The following ACTL8 variants were observed in gnomAD, a reference collection of about 807,000 sequenced individuals.
The protein encoded by ACTL8 is actin like 8, also known as actin-like protein 8.
A neutral mutation model predicts 9.3 loss-of-function variants in ACTL8; 3 were observed. The ratio of observed to expected loss-of-function variants is 0.32; its 90% CI spans 0.15 to 0.83. ACTL8 has a LOEUF of 0.83. ACTL8 is among the 40% of genes least tolerant of loss of function. The probability of loss-of-function intolerance (pLI) is 0.57; values close to 1 mark genes in which losing one functional copy is unlikely to be tolerated. For missense variants in ACTL8, 381 were observed against 492.2 expected (o/e 0.77, Z 2.14); for synonymous variants, 224 against 205.9 (o/e 1.09, Z -0.75).
chr1:17,789,542 A>G (rs2066222991), intron 1 of ACTL8, among the ~76,000 whole-genome samples: 1 of 152,132 alleles, frequency 6.6e-6, no homozygotes, highest in Admixed American at 6.5e-5. Flanking sequence ...TGTCCCCAGC[A>G]CTTAGCACAG....
chr1:17,802,275 C>T (rs2066327169), intron 1 of ACTL8, among the ~76,000 whole-genome samples: 1 of 152,112 alleles, frequency 6.6e-6, no homozygotes, highest in Admixed American at 6.5e-5. Flanking sequence ...TGTGTGGATT[C>T]AGGTTGCTGT....
chr1:17,822,256 C>T (rs202231086), intron 1 of ACTL8, among the ~76,000 whole-genome samples: 3 of 151,808 alleles, frequency 2.0e-5, no homozygotes, highest in African/African-American at 4.9e-5. Context: ...AATCTTACCC[C>T]CTGTGCCTCA....
At chr1:17,816,678 G>A (rs2066428295) in intron 1 of ACTL8, among the ~76,000 whole-genome samples, 1 of 152,150 alleles carries the variant, frequency 6.6e-6, no homozygotes, top group African/African-American at 2.4e-5. Context: ...ATTCCGCTGT[G>A]AGTTCAGTAC....
rs555626632 is a variant in ACTL8, at chr1:17,822,806, G to A, written c.-24-179G>A. 1.1e-3 allele frequency among the ~76,000 whole-genome samples: 167 copies of A among 152,286 alleles called. 1 individual carries two copies. The highest frequency in any genetic ancestry group is 1.9e-3 in the Non-Finnish European group (131 of 68,030). ...CCCATTAAGGGAGCCTGGTAGGATG[G>A]TTGGGAATTTGGGATGGGGGGAGTG... On this transcript the variant is annotated intron_variant, in intron 1 of 2. Transcript: ENST00000375406.
intron 1 of ACTL8, among the ~76,000 whole-genome samples, chr1:17,818,698 C>G (rs940577364): frequency 1.3e-5 from 2 of 152,208 alleles, no homozygotes; most frequent in African/African-American, 4.8e-5. Flanking sequence ...TAGAAGGAGG[C>G]CTTTGATGAC....
chr1:17,825,639 G>A (rs1001658758), intron 2 of ACTL8, 128 bp from the exon 3 acceptor site: 2 of 1,230,512 alleles, frequency 1.6e-6, no homozygotes, highest in African/African-American at 3.0e-5. Flanking sequence ...TAAGCTCCAG[G>A]GGCCCTGGGC....
chr1:17,823,603 G>A lies in ACTL8; in HGVS notation c.348+247G>A, dbSNP rs969955105. ...TATAAAAAATACAAAAATTAGCCAG[G>A]TGTGGTCCCAGCTACCTGGGAGGCT... On this transcript the variant is annotated intron_variant, in intron 2 of 2. Coordinates refer to ENST00000375406, the MANE Select transcript of ACTL8 (RefSeq NM_030812.3). This position sits in a 1 kb window ranked among gnomAD's most constrained non-coding sequence, Gnocchi z 5.3. Among the ~76,000 whole-genome samples, 2 of 152,024 alleles carry A rather than the reference G, an allele frequency of 1.3e-5. No homozygotes were observed. The highest frequency in any genetic ancestry group is 6.6e-5 in the Admixed American group (1 of 15,264).
chr1:17,772,440 A>G (rs1255612191), intron 1 of ACTL8, among the ~76,000 whole-genome samples: 1 of 151,926 alleles, frequency 6.6e-6, no homozygotes, highest in Non-Finnish European at 1.5e-5. Context: ...TTTCTCCCCC[A>G]GACCCCAGCA....
chr1:17,803,370 C>T (rs1033963410), intron 1 of ACTL8, among the ~76,000 whole-genome samples: 2 of 152,180 alleles, frequency 1.3e-5, no homozygotes, highest in Non-Finnish European at 2.9e-5. Flanking sequence ...GTATGTTGCC[C>T]AGGCTAGAGT....
At chr1:17,805,377 C>CTTTTTTTTTTT (rs56870755) in intron 1 of ACTL8, among the ~76,000 whole-genome samples, 48 of 100,206 alleles carry the variant, frequency 4.8e-4, no homozygotes, top group Non-Finnish European at 6.1e-4. Context: ...TTTTCTTTTT[C>CTTTTTTTTTTT]TTTTTTTTTT....
chr1:17,798,435 C>G (rs2066294289), intron 1 of ACTL8, among the ~76,000 whole-genome samples: 1 of 152,118 alleles, frequency 6.6e-6, no homozygotes, highest in Non-Finnish European at 1.5e-5. Flanking sequence ...GGCAGAGGTG[C>G]TGGCTCTTAA....
At chr1:17,771,032 G>A (rs546849380) in intron 1 of ACTL8, among the ~76,000 whole-genome samples, 7 of 152,276 alleles carry the variant, frequency 4.6e-5, no homozygotes, top group Non-Finnish European at 8.8e-5. Flanking sequence ...ATAGGTTATC[G>A]TGAGGATTGA....
chr1:17,811,713 A>T (rs1243527408), intron 1 of ACTL8, among the ~76,000 whole-genome samples: 1 of 152,200 alleles, frequency 6.6e-6, no homozygotes, highest in African/African-American at 2.4e-5. Flanking sequence ...TTTGTTGAAA[A>T]GACTATCTTT....
intron 1 of ACTL8, among the ~76,000 whole-genome samples, chr1:17,783,922 T>C (rs957733858): frequency 2.6e-5 from 4 of 152,236 alleles, no homozygotes; most frequent in African/African-American, 9.6e-5. Flanking sequence ...ATCATCACCC[T>C]CTAGATCTAA....
At chr1:17,756,345 G>A (rs1361590769) in intron 1 of ACTL8, among the ~76,000 whole-genome samples, 2 of 151,714 alleles carry the variant, frequency 1.3e-5, no homozygotes, top group African/African-American at 2.4e-5. Context: ...GCCTTGAGGG[G>A]TTCTTCCTTG....
intron 1 of ACTL8, among the ~76,000 whole-genome samples, chr1:17,807,808 C>T (rs1005306904): frequency 2.0e-5 from 3 of 151,104 alleles, no homozygotes; most frequent in Non-Finnish European, 4.4e-5. Context: ...AACACATGGA[C>T]ACAGGGAGGA....
At chr1:17,783,977 C>T (rs2102684670) in intron 1 of ACTL8, among the ~76,000 whole-genome samples, 1 of 152,328 alleles carries the variant, frequency 6.6e-6, no homozygotes, top group Admixed American at 6.5e-5. Flanking sequence ...GCAGACTTGG[C>T]CGAGCTGCTT....
chr1:17,825,079 C>CA (rs2124197175), intron 2 of ACTL8, among the ~76,000 whole-genome samples: 1 of 104,376 alleles, frequency 9.6e-6, no homozygotes, highest in Non-Finnish European at 1.8e-5. Flanking sequence ...GAATGGGGGG[C>CA]AGGGGGGCTT....
At chr1:17,773,059 G>T (rs531786235) in intron 1 of ACTL8, among the ~76,000 whole-genome samples, 4 of 152,182 alleles carry the variant, frequency 2.6e-5, no homozygotes, top group Non-Finnish European at 5.9e-5. Context: ...TATTGTCCTC[G>T]CTGCGTCGGA....
Sources: allele counts gnomAD v4.1 joint callset (sites outside exome capture counted in the v4.1 genomes callset), GRCh38; gene constraint gnomAD v4.1.1; non-coding constraint Gnocchi (gnomAD v3.1); transcripts MANE v1.5; gene names NCBI Gene and HGNC (gene_info 2026-07-23, HGNC 2026-07-21).